DCC: variants seen among roughly 807,000 people sequenced by gnomAD.
DCC encodes the protein netrin receptor DCC.
Under a neutral mutation model 172.5 loss-of-function variants are expected in DCC, and 58 were observed. The observed-to-expected ratio is 0.34, with a 90% CI of 0.27 to 0.42. DCC has a LOEUF of 0.42. DCC is among the 10% of genes least tolerant of loss of function. DCC has a pLI of 1.00. For missense variants in DCC, 1,740 were observed against 1,791.0 expected (o/e 0.97, Z 0.51); for synonymous variants, 709 against 644.5 (o/e 1.10, Z -1.52).
intron 9 of DCC, among the ~76,000 whole-genome samples, chr18:53,199,918 A>T (rs2055509379): frequency 6.6e-6 from 1 of 152,194 alleles, no homozygotes; most frequent in South Asian, 2.1e-4. Context: ...CATAAAATAA[A>T]TTTTACAACG....
chr18:53,214,336 G>A (rs2055811697), intron 11 of DCC, among the ~76,000 whole-genome samples: 1 of 152,008 alleles, frequency 6.6e-6, no homozygotes, highest in South Asian at 2.1e-4. Context: ...ATATAAGTAA[G>A]TACTCATTTG....
At chr18:52,700,945 A>G (rs1275496998) in intron 1 of DCC, among the ~76,000 whole-genome samples, 1 of 152,226 alleles carries the variant, frequency 6.6e-6, no homozygotes, top group Non-Finnish European at 1.5e-5. Flanking sequence ...AATGGGAGTT[A>G]ATAATTAAAC....
intron 1 of DCC, among the ~76,000 whole-genome samples, chr18:52,640,224 C>T (rs541720117): frequency 6.6e-6 from 1 of 152,064 alleles, no homozygotes; most frequent in Non-Finnish European, 1.5e-5. Context: ...GTAATAAAAG[C>T]CATCAATGAC....
chr18:52,660,892 G>T (rs946021683), intron 1 of DCC, among the ~76,000 whole-genome samples: 2 of 152,194 alleles, frequency 1.3e-5, no homozygotes, highest in South Asian at 2.1e-4. Flanking sequence ...CATCTCAACC[G>T]TATGTTCAGG....
chr18:52,467,612 G>A (rs1988824231), intron 1 of DCC, among the ~76,000 whole-genome samples: 1 of 152,100 alleles, frequency 6.6e-6, no homozygotes, highest in South Asian at 2.1e-4. Context: ...AGATCCTTGA[G>A]GAATCACCAC....
At chr18:52,396,420 G>A (rs924994696) in intron 1 of DCC, among the ~76,000 whole-genome samples, 2 of 151,740 alleles carry the variant, frequency 1.3e-5, no homozygotes, top group African/African-American at 4.8e-5. Context: ...CTTATTTTCA[G>A]CTTTACAATC....
At chr18:53,282,966 T>A (rs976895748) in intron 12 of DCC, among the ~76,000 whole-genome samples, 1 of 152,152 alleles carries the variant, frequency 6.6e-6, no homozygotes, top group African/African-American at 2.4e-5. Context: ...CCCAGGAATA[T>A]TCACTGACTG....
At chr18:53,337,138 A>G (rs1343069146) in intron 14 of DCC, among the ~76,000 whole-genome samples, 1 of 152,372 alleles carries the variant, frequency 6.6e-6, no homozygotes, top group East Asian at 1.9e-4. Context: ...GAACTATTCT[A>G]TGGTTTGCAG....
intron 7 of DCC, among the ~76,000 whole-genome samples, chr18:53,143,804 C>T (rs1013149847): frequency 1.3e-5 from 2 of 152,168 alleles, no homozygotes. Flanking sequence ...AAAATATTTA[C>T]TTATGAATGT....
intron 27 of DCC, among the ~76,000 whole-genome samples, chr18:53,521,603 T>G (rs1340507850): frequency 6.6e-6 from 1 of 152,146 alleles, no homozygotes; most frequent in African/African-American, 2.4e-5. Context: ...GAACAGGCAC[T>G]GGCCCTACTT....
At chr18:52,359,112 C>A (rs994071420) in intron 1 of DCC, among the ~76,000 whole-genome samples, 2 of 152,126 alleles carry the variant, frequency 1.3e-5, no homozygotes, top group African/African-American at 4.8e-5. Context: ...TGTCTTTAGC[C>A]TTTCTGTCTC....
At chr18:53,469,708 G>A (rs2045671613) in intron 25 of DCC, among the ~76,000 whole-genome samples, 1 of 151,464 alleles carries the variant, frequency 6.6e-6, no homozygotes, top group African/African-American at 2.4e-5. Context: ...TTAATATTCT[G>A]TCATAACTCC....
chr18:52,992,454 T>C (rs1248959486), intron 5 of DCC, among the ~76,000 whole-genome samples: 1 of 152,168 alleles, frequency 6.6e-6, no homozygotes, highest in Admixed American at 6.6e-5. Context: ...GATGGGATAT[T>C]TGTATAAGTG....
At chr18:53,030,904 T>C (rs914858261) in intron 5 of DCC, among the ~76,000 whole-genome samples, 2 of 152,176 alleles carry the variant, frequency 1.3e-5, no homozygotes, top group African/African-American at 4.8e-5. Context: ...TCTTGAGCAG[T>C]GTTGTCCACA....
At chr18:52,669,449 A>C (rs1005173186) in intron 1 of DCC, among the ~76,000 whole-genome samples, 2 of 152,228 alleles carry the variant, frequency 1.3e-5, no homozygotes, top group African/African-American at 4.8e-5. Context: ...GTTTTAAACT[A>C]TAAGTTCCTT....
chr18:53,274,664 C>A (rs879816271), intron 12 of DCC, among the ~76,000 whole-genome samples: 3 of 152,090 alleles, frequency 2.0e-5, no homozygotes, highest in Non-Finnish European at 4.4e-5. Context: ...TTGAAAATCC[C>A]AGTTGAACAC....
At chr18:53,160,542 C>G (rs1418255573) in intron 8 of DCC, among the ~76,000 whole-genome samples, 1 of 152,166 alleles carries the variant, frequency 6.6e-6, no homozygotes, top group African/African-American at 2.4e-5. Context: ...ATGTAACTTT[C>G]TACCTACTCT....
At chr18:53,436,764 T>C (rs1911967367) in intron 22 of DCC, among the ~76,000 whole-genome samples, 1 of 152,206 alleles carries the variant, frequency 6.6e-6, no homozygotes, top group Admixed American at 6.5e-5. Flanking sequence ...TCTGCTGCTA[T>C]TAAAAAATAC....
intron 12 of DCC, among the ~76,000 whole-genome samples, chr18:53,273,226 A>C (rs2056767914): frequency 6.6e-6 from 1 of 152,124 alleles, no homozygotes; most frequent in Non-Finnish European, 1.5e-5. Flanking sequence ...TGCTCTTATG[A>C]ATAATAATCT....
Sources: gnomAD v4.1 joint callset for allele counts (sites outside exome capture counted in the v4.1 genomes callset) on GRCh38, gnomAD v4.1.1 for gene constraint, MANE v1.5 for transcripts, NCBI Gene and HGNC (gene_info 2026-07-23, HGNC 2026-07-21) for gene names.